GPHN: variants seen among roughly 807,000 people sequenced by gnomAD.
GPHN encodes gephyrin.
Under a neutral mutation model 95.5 loss-of-function variants are expected in GPHN, and 17 were observed. The ratio of observed to expected loss-of-function variants is 0.18; its 90% CI spans 0.12 to 0.27. GPHN has a LOEUF of 0.27. Among genes scored for constraint, GPHN ranks in the 10% least tolerant of loss-of-function variants. The pLI is 1.00. For missense variants in GPHN, 660 were observed against 978.1 expected (o/e 0.67, Z 4.34); for synonymous variants, 320 against 322.5 (o/e 0.99, Z 0.08).
chr14:67,014,313 A>C (rs1342979586), intron 9 of GPHN, among the ~76,000 whole-genome samples: 1 of 152,152 alleles, frequency 6.6e-6, no homozygotes, highest in Non-Finnish European at 1.5e-5. Flanking sequence ...TGTTATTATT[A>C]TCTTCACTTA....
chr14:67,378,114 C>G, the GPHN span, among the ~76,000 whole-genome samples: 1 of 149,910 alleles, frequency 6.7e-6, no homozygotes, highest in Admixed American at 6.6e-5. Context: ...CAGAGTGAGA[C>G]CTTGTCTCTT....
At chr14:67,602,031 A>T in the GPHN span, among the ~76,000 whole-genome samples, 1 of 151,914 alleles carries the variant, frequency 6.6e-6, no homozygotes, top group South Asian at 2.1e-4. Context: ...TTCTAGTTTT[A>T]TTTCTGTGCC....
chr14:66,683,762 G>A (rs1314897286), intron 2 of GPHN, among the ~76,000 whole-genome samples: 1 of 151,596 alleles, frequency 6.6e-6, no homozygotes, highest in Non-Finnish European at 1.5e-5. Flanking sequence ...CGGATCATGA[G>A]GTCAGGAGAT....
chr14:66,836,490 C>G (rs1361842350), intron 4 of GPHN, among the ~76,000 whole-genome samples: 1 of 143,066 alleles, frequency 7.0e-6, no homozygotes, highest in Non-Finnish European at 1.5e-5. Flanking sequence ...CATAAAAACC[C>G]TAGAAGAAAA....
intron 1 of GPHN, among the ~76,000 whole-genome samples, chr14:66,609,435 T>A (rs2062689984): frequency 6.6e-6 from 1 of 152,180 alleles, no homozygotes; most frequent in South Asian, 2.1e-4. Context: ...GATGGTCATC[T>A]TGTATAAAAC....
chr14:67,114,281 G>A (rs1393048776), intron 16 of GPHN, among the ~76,000 whole-genome samples: 2 of 152,178 alleles, frequency 1.3e-5, no homozygotes, highest in South Asian at 2.1e-4. Flanking sequence ...ACTATATATA[G>A]CATCAGAAAT....
At chr14:67,652,017 G>A in the GPHN span, among the ~76,000 whole-genome samples, 287 of 152,264 alleles carry the variant, frequency 1.9e-3, no homozygotes, top group African/African-American at 6.7e-3. Context: ...GTTCACTCTA[G>A]GTTTCTCCCT....
chr14:67,614,652 G>C, the GPHN span, among the ~76,000 whole-genome samples: 1 of 151,914 alleles, frequency 6.6e-6, no homozygotes, highest in East Asian at 1.9e-4. Context: ...GTTCCAGCTA[G>C]TCAGGAGGCT....
intron 2 of GPHN, among the ~76,000 whole-genome samples, chr14:66,748,942 A>G (rs570262996): frequency 3.3e-5 from 5 of 152,074 alleles, no homozygotes; most frequent in East Asian, 1.9e-4. Context: ...CAGCTTCAGA[A>G]TACTCAAACT....
the GPHN span, among the ~76,000 whole-genome samples, chr14:67,713,103 T>C: frequency 6.6e-6 from 1 of 151,966 alleles, no homozygotes; most frequent in South Asian, 2.1e-4. Context: ...ACTTATATGA[T>C]CACTGAGCAC....
chr14:66,897,287 C>G (rs528147378), intron 5 of GPHN, among the ~76,000 whole-genome samples: 2 of 152,200 alleles, frequency 1.3e-5, no homozygotes, highest in South Asian at 2.1e-4. Context: ...GTGAATAGTG[C>G]TGCACTAAAT....
At chr14:67,349,136 G>T in the GPHN span, 2 of 1,599,866 alleles carry the variant, frequency 1.3e-6, no homozygotes, top group Non-Finnish European at 1.7e-6. Context: ...TTATTTAGCA[G>T]ACTCTTCAGA....
the GPHN span, among the ~76,000 whole-genome samples, chr14:67,397,149 GGCTGGTGTCAAACTCCTCACC>G: frequency 5.3e-5 from 8 of 152,142 alleles, no homozygotes; most frequent in Non-Finnish European, 8.8e-5. Flanking sequence ...ATGTTGGCCA[GGCTGGTGTCAAACTCCTCACC>G]GCAAGCAATC....
At chr14:67,578,122 G>A in the GPHN span, 8 of 1,613,844 alleles carry the variant, frequency 5.0e-6, no homozygotes, top group Non-Finnish European at 5.1e-6. This position sits in a 1 kb window ranked among gnomAD's most constrained non-coding sequence, Gnocchi z 5.0. Flanking sequence ...GGTTCACCCC[G>A]AGCTGCAGAG....
At chr14:67,567,680 G>C in the GPHN span, among the ~76,000 whole-genome samples, 2 of 151,994 alleles carry the variant, frequency 1.3e-5, no homozygotes, top group Non-Finnish European at 2.9e-5. Context: ...TCTCCTCCCA[G>C]TTGTCCCAGG....
intron 4 of GPHN, among the ~76,000 whole-genome samples, chr14:66,850,509 G>A (rs1450305309): frequency 6.6e-6 from 1 of 151,990 alleles, no homozygotes; most frequent in East Asian, 1.9e-4. Context: ...CATGTAGTTT[G>A]TATTTTTACA....
rs181183187 is a variant in GPHN, at chr14:66,877,256, T to G, written c.295-2683T>G. On this transcript the variant is annotated intron_variant, in intron 4 of 22. Transcript: ENST00000478722. ...GTATCTCAAAATAATAAGAGCTATT[T>G]ATGACAAGCCCACAGCCAATATCAT... Among the ~76,000 whole-genome samples the G allele has an allele frequency of 2.7e-3, 409 of 152,290 alleles. 2 individuals are homozygous for G. The highest frequency in any genetic ancestry group is 3.9e-3 in the Non-Finnish European group (267 of 68,024).
At chr14:67,189,026 G>A in the GPHN span, among the ~76,000 whole-genome samples, 1 of 152,030 alleles carries the variant, frequency 6.6e-6, no homozygotes, top group Admixed American at 6.6e-5. Context: ...CTCTAAAAAT[G>A]CTATATTCTT....
chr14:67,490,973 A>C, the GPHN span, among the ~76,000 whole-genome samples: 1 of 152,106 alleles, frequency 6.6e-6, no homozygotes, highest in Non-Finnish European at 1.5e-5. Context: ...AGTTCATTTA[A>C]ACTCTGATGC....
Sources: allele counts gnomAD v4.1 joint callset (sites outside exome capture counted in the v4.1 genomes callset), GRCh38; gene constraint gnomAD v4.1.1; non-coding constraint Gnocchi (gnomAD v3.1); transcripts MANE v1.5; gene names NCBI Gene and HGNC (gene_info 2026-07-23, HGNC 2026-07-21).